The following MAP2K1 variants were observed in gnomAD, a reference collection of about 807,000 sequenced individuals.
MAP2K1 encodes the protein mitogen-activated protein kinase kinase 1.
A neutral mutation model predicts 46.3 loss-of-function variants in MAP2K1; 16 were observed. The observed-to-expected ratio is 0.35, with a 90% confidence interval of 0.23 to 0.52. The LOEUF (loss-of-function observed/expected upper bound fraction) is 0.52. Among genes scored for constraint, MAP2K1 ranks in the 20% least tolerant of loss-of-function variants. The pLI, the probability that MAP2K1 is intolerant of heterozygous loss-of-function variation, is 0.94. For missense variants in MAP2K1, 263 were observed against 497.1 expected, an observed-to-expected ratio of 0.53 and a Z score of 4.48; for synonymous variants, 183 against 185.6, an observed-to-expected ratio of 0.99 and a Z score of 0.11.
intron 5 of MAP2K1, among the ~76,000 whole-genome samples, chr15:66,478,279 ATATATATATAC>A (rs893571770): frequency 8.1e-6 from 1 of 123,664 alleles, no homozygotes; most frequent in African/African-American, 5.4e-5. Flanking sequence ...TATTTAACAT[ATATATATATAC>A]TATATATACC....
chr15:66,483,158 C>T (rs375337963), intron 6 of MAP2K1, among the ~76,000 whole-genome samples: 5 of 152,322 alleles, frequency 3.3e-5, no homozygotes, highest in East Asian at 3.9e-4. Context: ...ACAGCACACC[C>T]TCATTTGCCT....
chr15:66,464,958 C>T (rs1297484989), intron 5 of MAP2K1, among the ~76,000 whole-genome samples: 1 of 151,804 alleles, frequency 6.6e-6, no homozygotes, highest in African/African-American at 2.4e-5. Flanking sequence ...CACAGTGGCT[C>T]ACACCTGTAA....
intron 9 of MAP2K1, 89 bp downstream of exon 9, chr15:66,489,365 C>T: frequency 2.3e-6 from 3 of 1,277,480 alleles, no homozygotes; most frequent in Admixed American, 1.7e-5. Flanking sequence ...ATTGCTTCTG[C>T]AGGCAGAGTT....
chr15:66,441,539 C>T (rs1236387548), intron 3 of MAP2K1, among the ~76,000 whole-genome samples: 1 of 152,022 alleles, frequency 6.6e-6, no homozygotes, highest in Non-Finnish European at 1.5e-5. Context: ...GGTGGGGTGG[C>T]ACGTACCTGT....
chr15:66,431,755 T>C (rs1419189261), intron 1 of MAP2K1, among the ~76,000 whole-genome samples: 2 of 152,216 alleles, frequency 1.3e-5, no homozygotes, highest in African/African-American at 4.8e-5. Context: ...TTAACATAGG[T>C]GGACCTGTGC....
chr15:66,470,710 C>T (rs1892611659), intron 5 of MAP2K1, among the ~76,000 whole-genome samples: 1 of 152,072 alleles, frequency 6.6e-6, no homozygotes, highest in African/African-American at 2.4e-5. Context: ...GGAGATTTGT[C>T]AAAGGTCAGG....
intron 1 of MAP2K1, among the ~76,000 whole-genome samples, chr15:66,393,750 G>A (rs376289886): frequency 6.6e-6 from 1 of 152,138 alleles, no homozygotes; most frequent in African/African-American, 2.4e-5. Context: ...TGGGTTGTAG[G>A]TTGGGCACAT....
At chr15:66,446,640 A>AGC in intron 5 of MAP2K1, 1 of 383,610 alleles carries the variant, frequency 2.6e-6, no homozygotes, top group East Asian at 7.5e-5. Context: ...TGTATACATA[A>AGC]GCACATCTCT....
chr15:66,416,639 G>GT (rs1200485097), intron 1 of MAP2K1, among the ~76,000 whole-genome samples: 4 of 152,062 alleles, frequency 2.6e-5, no homozygotes, highest in Admixed American at 6.6e-5. Flanking sequence ...CCCTTTCTAT[G>GT]TTTTTTCTCT....
intron 1 of MAP2K1, among the ~76,000 whole-genome samples, chr15:66,421,085 C>CACACAT (rs1382685167): frequency 6.8e-5 from 4 of 59,126 alleles, no homozygotes; most frequent in African/African-American, 2.4e-4. Context: ...TATACACATA[C>CACACAT]ACACACATAC....
intron 5 of MAP2K1, among the ~76,000 whole-genome samples, chr15:66,472,820 G>A (rs1892672283): frequency 6.6e-6 from 1 of 152,246 alleles, no homozygotes; most frequent in Middle Eastern, 3.4e-3. Context: ...GGCACAAATG[G>A]GGAGGCCATA....
At chr15:66,392,288 G>A (rs1474313079) in intron 1 of MAP2K1, among the ~76,000 whole-genome samples, 1 of 89,134 alleles carries the variant, frequency 1.1e-5, no homozygotes, top group African/African-American at 5.6e-5. Flanking sequence ...TTAAGAAAGG[G>A]TTTCGCTCCC....
At chr15:66,439,114 G>A (rs1388012355) in intron 3 of MAP2K1, among the ~76,000 whole-genome samples, 1 of 152,180 alleles carries the variant, frequency 6.6e-6, no homozygotes, top group Admixed American at 6.5e-5. Context: ...TGCAGGAAAG[G>A]CCCTGCCCTG....
chr15:66,461,529 G>A (rs1016680482), intron 5 of MAP2K1, among the ~76,000 whole-genome samples: 1 of 150,934 alleles, frequency 6.6e-6, no homozygotes, highest in Non-Finnish European at 1.5e-5. Flanking sequence ...AATAATAATA[G>A]AGTCTAGTGA....
At chr15:66,420,930 T>TAC (rs935374211) in intron 1 of MAP2K1, among the ~76,000 whole-genome samples, 4 of 128,176 alleles carry the variant, frequency 3.1e-5, no homozygotes, top group Non-Finnish European at 6.7e-5. Context: ...TACATATATA[T>TAC]ACACACATAC....
chr15:66,420,253 TGAAC>T (rs1191417441), intron 1 of MAP2K1, among the ~76,000 whole-genome samples: 1 of 148,134 alleles, frequency 6.8e-6, no homozygotes, highest in African/African-American at 2.5e-5. Context: ...AATAAATGAA[TGAAC>T]GAATGAATGA....
chr15:66,438,680 C>G (rs2093495381), intron 3 of MAP2K1, among the ~76,000 whole-genome samples: 1 of 152,146 alleles, frequency 6.6e-6, no homozygotes, highest in East Asian at 1.9e-4. Context: ...ATTTGGCTCT[C>G]TGGAAATAGT....
chr15:66,436,934 A>C, intron 3 of MAP2K1, 42 bp downstream of exon 3: 1 of 1,611,390 alleles, frequency 6.2e-7, no homozygotes, highest in Non-Finnish European at 8.5e-7. Context: ...TGGCCTTAAG[A>C]GTTGGGTGGC....
intron 1 of MAP2K1, among the ~76,000 whole-genome samples, chr15:66,400,833 A>G (rs1457136462): frequency 6.6e-6 from 1 of 152,210 alleles, no homozygotes; most frequent in Non-Finnish European, 1.5e-5. Context: ...GAAGGGAGTC[A>G]GGTTAAGAAG....
Sources: gnomAD v4.1 joint callset for allele counts (sites outside exome capture counted in the v4.1 genomes callset) on GRCh38, gnomAD v4.1.1 for gene constraint, MANE v1.5 for transcripts, NCBI Gene and HGNC (gene_info 2026-07-23, HGNC 2026-07-21) for gene names.